Variants in LDB2 observed in about 807,000 individuals in gnomAD.
LDB2 encodes the protein LIM domain-binding protein 2.
In LDB2, 12 loss-of-function variants were observed where a neutral mutation model predicts 44.3. That is an observed-to-expected ratio of 0.27 (90% CI 0.17 to 0.44). LDB2 has a LOEUF of 0.44. Ranked by LOEUF, LDB2 falls within the 20% of genes least tolerant of loss-of-function variation. The pLI is 1.00. For missense variants in LDB2, 344 were observed against 473.5 expected, an observed-to-expected ratio of 0.73 and a Z score of 2.54; for synonymous variants, 164 against 174.8, an observed-to-expected ratio of 0.94 and a Z score of 0.49.
At chr4:16,737,014 T>C (rs1762035769) in intron 2 of LDB2, among the ~76,000 whole-genome samples, 1 of 152,148 alleles carries the variant, frequency 6.6e-6, no homozygotes, top group Non-Finnish European at 1.5e-5. Context: ...ATAGATATTT[T>C]GTATAAGTAA....
intron 1 of LDB2, among the ~76,000 whole-genome samples, chr4:16,763,657 T>C (rs1047503984): frequency 6.6e-6 from 1 of 152,204 alleles, no homozygotes; most frequent in Non-Finnish European, 1.5e-5. Flanking sequence ...GGGTTAATGT[T>C]AGTATCGTAA....
chr4:16,750,266 A>C (rs1207045326), intron 2 of LDB2, among the ~76,000 whole-genome samples: 1 of 152,178 alleles, frequency 6.6e-6, no homozygotes, highest in East Asian at 1.9e-4. Context: ...TACAGGGTGG[A>C]TGCTATTGCA....
intron 5 of LDB2, among the ~76,000 whole-genome samples, chr4:16,527,417 AT>A (rs1443535530): frequency 4.6e-5 from 7 of 150,948 alleles, no homozygotes; most frequent in African/African-American, 1.7e-4. Flanking sequence ...AATCAAAAAA[AT>A]AAAAAAAAAA....
intron 1 of LDB2, among the ~76,000 whole-genome samples, chr4:16,856,101 A>G (rs1205263660): frequency 6.6e-6 from 1 of 152,196 alleles, no homozygotes. Flanking sequence ...TTCAAACGAA[A>G]CAAATCAGCG....
intron 2 of LDB2, among the ~76,000 whole-genome samples, chr4:16,652,041 C>G (rs911444478): frequency 6.6e-6 from 1 of 152,048 alleles, no homozygotes; most frequent in South Asian, 2.1e-4. Context: ...ACCTGGAACC[C>G]TTGGACTCAG....
chr4:16,869,982 T>C (rs1303592855), intron 1 of LDB2, among the ~76,000 whole-genome samples: 1 of 152,206 alleles, frequency 6.6e-6, no homozygotes, highest in Non-Finnish European at 1.5e-5. Context: ...TGGGGACTTG[T>C]TCTTTCAGCG....
At chr4:16,819,477 A>AAG (rs1554036149) in intron 1 of LDB2, among the ~76,000 whole-genome samples, 70 of 151,030 alleles carry the variant, frequency 4.6e-4, no homozygotes, top group Non-Finnish European at 8.1e-4. Flanking sequence ...AAAAAAAAAA[A>AAG]AAAGAAATTT....
At chr4:16,648,727 CT>C (rs909129362) in intron 2 of LDB2, among the ~76,000 whole-genome samples, 46 of 152,092 alleles carry the variant, frequency 3.0e-4, no homozygotes, top group Admixed American at 1.7e-3. Context: ...CTCAACTTAA[CT>C]TTTTTTTGCT....
chr4:16,558,404 G>A (rs911848108), intron 5 of LDB2, among the ~76,000 whole-genome samples: 5 of 152,220 alleles, frequency 3.3e-5, no homozygotes, highest in East Asian at 1.9e-4. Flanking sequence ...CGGGAACTAC[G>A]TGAAGAATGC....
At chr4:16,715,554 G>C (rs1047613776) in intron 2 of LDB2, among the ~76,000 whole-genome samples, 5 of 152,198 alleles carry the variant, frequency 3.3e-5, no homozygotes, top group African/African-American at 4.8e-5. Context: ...AAGGATCAGA[G>C]ATATGAAACA....
At chr4:16,592,505 T>TACACATATATACAC (rs1719472195) in intron 3 of LDB2, among the ~76,000 whole-genome samples, 1 of 108,058 alleles carries the variant, frequency 9.3e-6, no homozygotes, top group African/African-American at 3.8e-5. Context: ...TATATATATA[T>TACACATATATACAC]ACACACACAC....
At chr4:16,506,089 G>A in intron 7 of LDB2, 7 of 1,258,170 alleles carry the variant, frequency 5.6e-6, no homozygotes, top group Non-Finnish European at 7.6e-6. Flanking sequence ...GGTCATAGTG[G>A]CACATGCCTT....
intron 5 of LDB2, among the ~76,000 whole-genome samples, chr4:16,584,617 A>T (rs1233762368): frequency 6.6e-6 from 1 of 152,206 alleles, no homozygotes; most frequent in Non-Finnish European, 1.5e-5. Flanking sequence ...TCGTGTGGTA[A>T]CCTCGAAACA....
At chr4:16,892,059 C>G (rs890617960) in intron 1 of LDB2, among the ~76,000 whole-genome samples, 1 of 152,176 alleles carries the variant, frequency 6.6e-6, no homozygotes, top group South Asian at 2.1e-4. Context: ...AGCCGACATA[C>G]AAAAAGCACC....
At chr4:16,512,966 G>A (rs187020168) in intron 5 of LDB2, among the ~76,000 whole-genome samples, 2 of 152,286 alleles carry the variant, frequency 1.3e-5, no homozygotes, top group East Asian at 1.9e-4. Flanking sequence ...GTACTTATGA[G>A]GACAGAGACC....
intron 1 of LDB2, among the ~76,000 whole-genome samples, chr4:16,824,482 T>C (rs1382259190): frequency 6.6e-6 from 1 of 152,248 alleles, no homozygotes; most frequent in South Asian, 2.1e-4. Context: ...AGTAGTACTA[T>C]GTGCTGAGAC....
chr4:16,803,686 G>C (rs920779309), intron 1 of LDB2, among the ~76,000 whole-genome samples: 2 of 152,128 alleles, frequency 1.3e-5, no homozygotes, highest in Non-Finnish European at 2.9e-5. Flanking sequence ...AAAAAAATCT[G>C]AGTTACAATT....
intron 5 of LDB2, among the ~76,000 whole-genome samples, chr4:16,550,891 T>G (rs1378340900): frequency 6.6e-6 from 1 of 152,242 alleles, no homozygotes; most frequent in Non-Finnish European, 1.5e-5. Flanking sequence ...CATAAATGTT[T>G]GCATATTCCT....
intron 1 of LDB2, among the ~76,000 whole-genome samples, chr4:16,837,024 C>G (rs16894066): frequency 1.3e-5 from 2 of 152,138 alleles, no homozygotes; most frequent in African/African-American, 4.8e-5. Context: ...CTTCTGTTCC[C>G]AAAATGGTTG....
Sources: allele counts gnomAD v4.1 joint callset (sites outside exome capture counted in the v4.1 genomes callset), GRCh38; gene constraint gnomAD v4.1.1; transcripts MANE v1.5; gene names NCBI Gene and HGNC (gene_info 2026-07-23, HGNC 2026-07-21).